Variants in WDR49 observed in about 807,000 individuals in gnomAD.
WDR49 encodes WD repeat domain 49.
In WDR49, 107 loss-of-function variants were observed where a neutral mutation model predicts 119.5. That is an observed-to-expected ratio of 0.90 (90% CI 0.77 to 1.05). WDR49 has a LOEUF of 1.05. Among genes scored for constraint, WDR49 ranks in the 50% least tolerant of loss-of-function variants. The pLI is 0.00. For synonymous variants in WDR49, 425 were observed against 418.8 expected, an observed-to-expected ratio of 1.01 and a Z score of -0.18; for missense variants, 1,240 against 1,220.5, an observed-to-expected ratio of 1.02 and a Z score of -0.24.
chr3:167,500,061 C>T (rs1751498711), intron 18 of WDR49, 92 bp downstream of exon 18: 2 of 1,358,564 alleles, frequency 1.5e-6, no homozygotes, highest in African/African-American at 1.5e-5. Flanking sequence ...ACAAGACAAA[C>T]ACTTGTTATT....
At chr3:167,535,403 GA>G (rs1003086502) in intron 11 of WDR49, among the ~76,000 whole-genome samples, 33 of 151,952 alleles carry the variant, frequency 2.2e-4, no homozygotes, top group Admixed American at 2.2e-3. Flanking sequence ...CTGCAACAAA[GA>G]AAACCTGATT....
intron 7 of WDR49, among the ~76,000 whole-genome samples, chr3:167,583,538 A>C (rs909670922): frequency 1.3e-5 from 2 of 152,126 alleles, no homozygotes; most frequent in African/African-American, 2.4e-5. Flanking sequence ...CTATAAAAAA[A>C]ATCCAGAAAA....
rs570830151 is a variant in WDR49, at chr3:167,546,312, C to G, written c.1823+8338G>C. ...AAATGTTGAAAAACTAGTTAGCTAC[C>G]ACTTTCCCCTCAAAACCTAACCTGA... On this transcript the variant is annotated intron_variant, in intron 10 of 18. Transcript: ENST00000682715. Among the ~76,000 whole-genome samples, 3 of 152,004 alleles carry G rather than the reference C, an allele frequency of 2.0e-5. No individual in the cohort carries two copies. In the South Asian group the frequency reaches 6.2e-4, roughly 32 times the overall value.
At position 167,482,604 on chromosome 3, in the gene WDR49, G is replaced by A. The variant is rs866112648; in HGVS notation, c.3032-3608C>T. On this transcript the variant is annotated intron_variant, in intron 18 of 18. Transcript: ENST00000682715. Reference sequence around the variant, plus strand: ...TGAGGCAGGAGAATGGCGTGAACCCGGGAGGCAGAGCTTGCAGTGAGTTGA... The same window carrying A: ...TGAGGCAGGAGAATGGCGTGAACCCAGGAGGCAGAGCTTGCAGTGAGTTGA... 5.9e-5 allele frequency among the ~76,000 whole-genome samples: 9 copies of A among 151,654 alleles called. No individual in the cohort carries two copies. The South Asian group carries it at 8.3e-4, about 14-fold the overall frequency.
intron 15 of WDR49, among the ~76,000 whole-genome samples, chr3:167,525,795 G>A (rs1752607897): frequency 6.6e-6 from 1 of 151,702 alleles, no homozygotes; most frequent in Non-Finnish European, 1.5e-5. Context: ...ACCAGCCTAA[G>A]GTCAATAGCT....
chr3:167,648,905 T>C (rs1397912136), intron 2 of WDR49, among the ~76,000 whole-genome samples: 1 of 152,220 alleles, frequency 6.6e-6, no homozygotes, highest in African/African-American at 2.4e-5. Flanking sequence ...AGATATTATA[T>C]ATTTTACACA....
chr3:167,627,291 G>C lies in WDR49; in HGVS notation c.167C>G (p.Ser56Cys). 8 of 1,234,736 alleles carry C rather than the reference G, an allele frequency of 6.5e-6. No homozygotes were observed. Among genetic ancestry groups the C allele is most frequent in the Non-Finnish European group, 7.1e-6 (7 of 988,580 alleles). 76.5% of individuals were successfully genotyped at this position (1,234,736 alleles called of 1,614,324 possible). The stretch of plus-strand genomic sequence containing the variant: ...ACAAATGATTTTCCTTGGCTGTGGG[G>C]ACTAGAAACAGGAATCCAAAAACAA... ...DFVKIQKAFE[S>C]PQPRKIICMS... The change falls in exon 3 of 19, where the codon TCC becomes TGC. Residue 56 changes from serine (S) to cysteine (C), a missense_variant and splice_region_variant. Physicochemically the swap from Ser to Cys is moderately radical, Grantham distance 112. Coordinates refer to ENST00000682715, the MANE Select transcript of WDR49 (RefSeq NM_001366157.1).
At chr3:167,485,531 T>C (rs934565345) in intron 18 of WDR49, among the ~76,000 whole-genome samples, 2 of 151,954 alleles carry the variant, frequency 1.3e-5, no homozygotes, top group Non-Finnish European at 2.9e-5. Flanking sequence ...AATAAAATGA[T>C]CCAAGAGCTG....
At chr3:167,614,114 C>T (rs371011608) in intron 5 of WDR49, among the ~76,000 whole-genome samples, 1 of 152,078 alleles carries the variant, frequency 6.6e-6, no homozygotes, top group South Asian at 2.1e-4. Flanking sequence ...CTGCGTCCCG[C>T]GATGGAGTCT....
At chr3:167,655,679 CT>C (rs1718578925), upstream of WDR49, among the ~76,000 whole-genome samples, 1 of 152,160 alleles carries the variant, frequency 6.6e-6, no homozygotes, top group Non-Finnish European at 1.5e-5. Context: ...AGGCAGATCA[CT>C]TGAGGTCAGG....
At chr3:167,547,549 T>C (rs7610336) in intron 10 of WDR49, among the ~76,000 whole-genome samples, 4,595 of 151,716 alleles carry the variant, frequency 0.03, 217 homozygotes, top group African/African-American at 0.1. Flanking sequence ...CTATTTAACA[T>C]TGTGCAAAAA....
chr3:167,578,743 G>T (rs1452167776), intron 7 of WDR49, among the ~76,000 whole-genome samples: 1 of 152,138 alleles, frequency 6.6e-6, no homozygotes, highest in Non-Finnish European at 1.5e-5. Context: ...CAGGTGCTAT[G>T]ATTTCTTTAA....
In WDR49 at chr3:167,573,438, T is replaced by C. The variant is rs1342267500; in HGVS notation, c.1509+2480A>G. 9.6e-3 allele frequency among the ~76,000 whole-genome samples: 1,263 copies of C among 131,264 alleles called. 17 individuals carry two copies. The highest frequency in any genetic ancestry group is 0.04 in the African/African-American group (1,162 of 29,046). 86.1% of individuals were successfully genotyped at this position (131,264 alleles called of 152,430 possible). ...CACACACACACACACACAACACAAA[T>C]AGATAGATCTGTATTTTTATACTTA... On this transcript the variant is annotated intron_variant, in intron 8 of 18. Transcript: ENST00000682715.
At chr3:167,512,515 C>A (rs1752018286) in intron 16 of WDR49, among the ~76,000 whole-genome samples, 1 of 152,150 alleles carries the variant, frequency 6.6e-6, no homozygotes, top group African/African-American at 2.4e-5. Flanking sequence ...AAAATCCACA[C>A]AAAAACACTG....
chr3:167,613,179 T>C (rs1350035449), intron 5 of WDR49, among the ~76,000 whole-genome samples: 1 of 152,152 alleles, frequency 6.6e-6, no homozygotes, highest in Non-Finnish European at 1.5e-5. Context: ...ATACACCTAC[T>C]CTGTATCCAC....
chr3:167,578,389 C>T (rs1334573858), intron 7 of WDR49, among the ~76,000 whole-genome samples: 1 of 152,100 alleles, frequency 6.6e-6, no homozygotes, highest in Non-Finnish European at 1.5e-5. Flanking sequence ...CTCTTTTACT[C>T]TTTCTTGTTT....
intron 18 of WDR49, among the ~76,000 whole-genome samples, chr3:167,493,885 T>C (rs995173786): frequency 1.3e-5 from 2 of 152,160 alleles, no homozygotes; most frequent in Admixed American, 1.3e-4. Context: ...TCTAACTCTA[T>C]CCCATCTTCG....
At chr3:167,480,120 C>T (rs929113327) in intron 18 of WDR49, among the ~76,000 whole-genome samples, 2 of 151,274 alleles carry the variant, frequency 1.3e-5, no homozygotes, top group African/African-American at 4.9e-5. Flanking sequence ...GTAATCTCAG[C>T]TACTCGGGAG....
chr3:167,507,988 T>C (rs761509027), intron 16 of WDR49, among the ~76,000 whole-genome samples: 1 of 152,140 alleles, frequency 6.6e-6, no homozygotes, highest in Non-Finnish European at 1.5e-5. Context: ...TTTTAAAACA[T>C]TTTGCAAAAA....
Sources: allele counts gnomAD v4.1 joint callset (sites outside exome capture counted in the v4.1 genomes callset), GRCh38; gene constraint gnomAD v4.1.1; transcripts MANE v1.5; gene names NCBI Gene and HGNC (gene_info 2026-07-23, HGNC 2026-07-21).